Variants in CBFA2T3 observed in about 807,000 individuals in gnomAD.
CBFA2T3 encodes CBFA2/RUNX1 partner transcriptional co-repressor 3, also known as transcriptional corepressor CBFA2T3.
Under a neutral mutation model 58.6 loss-of-function variants are expected in CBFA2T3, and 31 were observed. The observed-to-expected ratio is 0.53, with a 90% CI of 0.40 to 0.71. CBFA2T3 has a LOEUF of 0.71. Among genes scored for constraint, CBFA2T3 ranks in the 30% least tolerant of loss-of-function variants. CBFA2T3 has a pLI of 0.00. For missense variants in CBFA2T3, 1,076 were observed against 963.1 expected, an observed-to-expected ratio of 1.12 and a Z score of -1.55; for synonymous variants, 531 against 421.9, an observed-to-expected ratio of 1.26 and a Z score of -3.17.
In CBFA2T3 at chr16:88,881,393, A is replaced by AGTGGTTGAGCTCCTC; in HGVS notation, c.1285_1299dup (p.Glu429_His433dup). The AGTGGTTGAGCTCCTC allele has an allele frequency of 6.2e-7, 1 of 1,603,220 alleles. No individual in the cohort carries two copies. On this transcript the variant is annotated inframe_insertion, in exon 9 of 12. Transcript: ENST00000268679. ...TCGGCGTCGCTGTAGCGCCGCGCCC[A>AGTGGTTGAGCTCCTC]GTGGTTGAGCTCCTCGCGGTCGGCC...
chr16:88,905,741 T>TGTA (rs1399573329), intron 1 of CBFA2T3, among the ~76,000 whole-genome samples: 1 of 8,708 alleles, frequency 1.1e-4, no homozygotes, highest in Non-Finnish European at 2.3e-4. Context: ...GGGGCGGGAC[T>TGTA]GGAGGGGCGG....
intron 3 of CBFA2T3, among the ~76,000 whole-genome samples, 160 bp downstream of exon 3, chr16:88,897,918 T>G (rs1287862581): frequency 1.3e-5 from 2 of 152,124 alleles, no homozygotes; most frequent in Non-Finnish European, 2.9e-5. Context: ...CTGCGCCCTC[T>G]TCTCCCTAAG....
chr16:88,881,493 G>A lies in CBFA2T3; in HGVS notation c.1204-4C>T. The A allele has an allele frequency of 6.3e-7, 1 of 1,598,636 alleles. No homozygotes were observed. Among genetic ancestry groups the A allele is most frequent in the Non-Finnish European group, 8.5e-7 (1 of 1,170,226 alleles). On this transcript the variant is annotated splice_polypyrimidine_tract_variant and splice_region_variant and intron_variant, in intron 8 of 11. Coordinates refer to ENST00000268679, the MANE Select transcript of CBFA2T3 (RefSeq NM_005187.6). Reference sequence around the variant, plus strand: ...TGTCCATGATGCAGTTCAGGAGCTGGGGGCGGGCGGCGCAGCCTTCAGCAC... The same window carrying A: ...TGTCCATGATGCAGTTCAGGAGCTGAGGGCGGGCGGCGCAGCCTTCAGCAC...
chr16:88,930,135 G>A lies in CBFA2T3; in HGVS notation c.152-28479C>T, dbSNP rs1003408067. Among the ~76,000 whole-genome samples the A allele has an allele frequency of 3.5e-5, 5 of 143,152 alleles. No individual in the cohort carries two copies. In the East Asian group the frequency reaches 6.2e-4, roughly 18 times the overall value. 93.9% of individuals were successfully genotyped at this position (143,152 alleles called of 152,430 possible). A position where few individuals can be genotyped will look rare whatever the true frequency, so the allele number is the denominator to read the frequency against. On this transcript the variant is annotated intron_variant, in intron 1 of 11. Coordinates refer to ENST00000268679, the MANE Select transcript of CBFA2T3 (RefSeq NM_005187.6). ...CAATACCCAGAGCTGCATGGTCCACGTAAAAGCTACCAATACCCACAGCTG... is the reference window on the plus strand; with the variant it reads ...CAATACCCAGAGCTGCATGGTCCACATAAAAGCTACCAATACCCACAGCTG...
chr16:88,941,206 C>T (rs1971715312), intron 1 of CBFA2T3: 7 of 978,532 alleles, frequency 7.2e-6, no homozygotes, highest in Non-Finnish European at 8.5e-6. Context: ...GCCGCCTGGG[C>T]CATGCCGGGG....
intron 10 of CBFA2T3, 28 bp downstream of exon 10, chr16:88,880,692 C>G: frequency 6.5e-7 from 1 of 1,545,586 alleles, no homozygotes; most frequent in Non-Finnish European, 8.8e-7. Flanking sequence ...CACAGCTCTG[C>G]TGGCCAGGCC....
intron 1 of CBFA2T3, among the ~76,000 whole-genome samples, chr16:88,918,695 TTC>T (rs1190754039): frequency 6.6e-6 from 1 of 152,212 alleles, no homozygotes; most frequent in Admixed American, 6.5e-5. Flanking sequence ...GCCCAGAACA[TTC>T]TGTCTTCTTG....
In CBFA2T3 at chr16:88,938,707, C is replaced by T. The variant is rs1226245155; in HGVS notation, c.152-37051G>A. The T allele has an allele frequency of 2.0e-5, 3 of 152,352 alleles. No homozygotes were observed. The East Asian group carries it at 5.8e-4, about 29-fold the overall frequency. 9.4% of individuals were successfully genotyped at this position (152,352 alleles called of 1,614,324 possible). On this transcript the variant is annotated intron_variant, in intron 1 of 11. Transcript: ENST00000268679. ...AGTCCCTCCATGCTGGGTCTGAACA[C>T]CCGCGTGGCACACACGGCACTGGGG... is the stretch of plus-strand genomic sequence containing the variant.
At chr16:88,949,142 A>G (rs1175836104) in intron 1 of CBFA2T3, among the ~76,000 whole-genome samples, 1 of 152,266 alleles carries the variant, frequency 6.6e-6, no homozygotes, top group Non-Finnish European at 1.5e-5. Flanking sequence ...CAATTTATAT[A>G]ATACCAGTTT....
chr16:88,976,409 T>G (rs1972862038), intron 1 of CBFA2T3, among the ~76,000 whole-genome samples: 1 of 150,396 alleles, frequency 6.6e-6, no homozygotes, highest in Non-Finnish European at 1.5e-5. Flanking sequence ...GCCTCCAGCA[T>G]CTGCCTCTGG....
intron 7 of CBFA2T3, 103 bp downstream of exon 7, chr16:88,884,943 C>A (rs1397919700): frequency 2.3e-6 from 2 of 864,414 alleles, no homozygotes; most frequent in Non-Finnish European, 3.5e-6. Flanking sequence ...CAGGTGCACA[C>A]AGCTGCCCGT....
At chr16:88,937,665 T>G (rs1287834700) in intron 1 of CBFA2T3, 1 of 152,286 alleles carries the variant, frequency 6.6e-6, no homozygotes, top group Non-Finnish European at 1.5e-5. Flanking sequence ...GCAGCAGCGG[T>G]GCCCTCAGGG....
intron 1 of CBFA2T3, among the ~76,000 whole-genome samples, chr16:88,965,060 C>T (rs1262148659): frequency 6.6e-6 from 1 of 151,564 alleles, no homozygotes; most frequent in Non-Finnish European, 1.5e-5. Context: ...TCCATCCACC[C>T]ATCCATCCAT....
chr16:88,891,665 T>C (rs1597678785), intron 5 of CBFA2T3, among the ~76,000 whole-genome samples: 1 of 152,198 alleles, frequency 6.6e-6, no homozygotes, highest in South Asian at 2.1e-4. Context: ...AGGCCTTAAC[T>C]AGTAGGAGTC....
At chr16:88,877,645 G>A (rs1267129675) in intron 11 of CBFA2T3, among the ~76,000 whole-genome samples, 1 of 152,110 alleles carries the variant, frequency 6.6e-6, no homozygotes, top group Non-Finnish European at 1.5e-5. Context: ...CGCCTCTGCT[G>A]CATCCACACC....
chr16:88,894,829 G>A (rs1969822653), intron 3 of CBFA2T3, among the ~76,000 whole-genome samples: 2 of 152,270 alleles, frequency 1.3e-5, no homozygotes, highest in South Asian at 4.1e-4. Flanking sequence ...GGCGGGGCCT[G>A]TGTGCGCCGA....
At chr16:88,915,209 G>A (rs1230259492) in intron 1 of CBFA2T3, among the ~76,000 whole-genome samples, 9 of 127,130 alleles carry the variant, frequency 7.1e-5, no homozygotes, top group Admixed American at 7.1e-4. Context: ...GGTGTGGGGT[G>A]GGGAGGAGGC....
At chr16:88,879,780 C>A in intron 10 of CBFA2T3, 1 of 319,808 alleles carries the variant, frequency 3.1e-6, no homozygotes, top group East Asian at 5.2e-5. Context: ...ACCGCAGCGG[C>A]TCCCCAGGCA....
intron 5 of CBFA2T3, among the ~76,000 whole-genome samples, chr16:88,889,029 C>T (rs2142571132): frequency 6.6e-6 from 1 of 152,082 alleles, no homozygotes; most frequent in East Asian, 2.0e-4. Flanking sequence ...TGCGGCGTTT[C>T]TCTGCCTGAC....
Sources: allele counts gnomAD v4.1 joint callset (sites outside exome capture counted in the v4.1 genomes callset), GRCh38; gene constraint gnomAD v4.1.1; transcripts MANE v1.5; gene names NCBI Gene and HGNC (gene_info 2026-07-23, HGNC 2026-07-21).